XKR9: variants seen among roughly 807,000 people sequenced by gnomAD.
XKR9 encodes XK related 9, also known as XK-related protein 9.
A neutral mutation model predicts 32.0 loss-of-function variants in XKR9; 32 were observed. The observed-to-expected ratio is 1.00, with a 90% CI of 0.76 to 1.34. XKR9 has a LOEUF of 1.34. Among genes scored for constraint, XKR9 ranks in the 40% most tolerant of loss-of-function variants. The probability of loss-of-function intolerance (pLI) is 0.00; values close to 1 mark genes in which losing one functional copy is unlikely to be tolerated. For synonymous variants in XKR9, 168 were observed against 143.4 expected (o/e 1.17, Z -1.22); for missense variants, 546 against 429.7 (o/e 1.27, Z -2.39).
At chr8:70,984,793 T>C in the XKR9 span, among the ~76,000 whole-genome samples, 1 of 152,136 alleles carries the variant, frequency 6.6e-6, no homozygotes, top group Non-Finnish European at 1.5e-5. Context: ...TGTTGAGAAC[T>C]AAAAAAATAT....
chr8:70,706,271 A>G (rs1805716124), intron 3 of XKR9, among the ~76,000 whole-genome samples: 1 of 152,064 alleles, frequency 6.6e-6, no homozygotes, highest in African/African-American at 2.4e-5. Flanking sequence ...ACTTGTGTTC[A>G]CTTTAAAATT....
At chr8:71,060,183 A>G in the XKR9 span, among the ~76,000 whole-genome samples, 10 of 152,228 alleles carry the variant, frequency 6.6e-5, no homozygotes, top group African/African-American at 2.2e-4. Context: ...TTCCAAATCT[A>G]AAGACAGTAT....
At chr8:70,940,615 CTT>C in the XKR9 span, among the ~76,000 whole-genome samples, 1 of 152,064 alleles carries the variant, frequency 6.6e-6, no homozygotes, top group African/African-American at 2.4e-5. Flanking sequence ...CACTGTGCCT[CTT>C]TTGCCTCTGT....
At chr8:70,834,786 T>G in the XKR9 span, among the ~76,000 whole-genome samples, 1 of 152,158 alleles carries the variant, frequency 6.6e-6, no homozygotes, top group Admixed American at 6.6e-5. Context: ...TATAGTTTAA[T>G]TTACCGTAGA....
At chr8:70,806,605 A>G in the XKR9 span, among the ~76,000 whole-genome samples, 1 of 152,216 alleles carries the variant, frequency 6.6e-6, no homozygotes, top group Non-Finnish European at 1.5e-5. Context: ...CACAGCATGA[A>G]AACTTCATGA....
chr8:70,963,985 A>C, the XKR9 span, among the ~76,000 whole-genome samples: 1 of 151,812 alleles, frequency 6.6e-6, no homozygotes, highest in South Asian at 2.1e-4. Context: ...CCCATTTGTC[A>C]ATTTTTGCTT....
At chr8:70,774,611 C>T (rs900720340) in intron 2 of XKR9, among the ~76,000 whole-genome samples, 1 of 152,074 alleles carries the variant, frequency 6.6e-6, no homozygotes, top group African/African-American at 2.4e-5. Context: ...TTTAGTTTCA[C>T]TTTTTCCCAT....
chr8:70,739,632 T>G (rs1368223463), downstream of XKR9, among the ~76,000 whole-genome samples: 2 of 152,128 alleles, frequency 1.3e-5, no homozygotes, highest in Non-Finnish European at 2.9e-5. Context: ...TGTTTAGTGC[T>G]TCCTTCAGGA....
At chr8:70,999,843 A>G in the XKR9 span, among the ~76,000 whole-genome samples, 2 of 152,222 alleles carry the variant, frequency 1.3e-5, no homozygotes, top group African/African-American at 2.4e-5. Context: ...GCATTTATTT[A>G]CCATTGGATA....
chr8:70,781,690 G>A (rs1807619305), intron 2 of XKR9, among the ~76,000 whole-genome samples: 2 of 152,022 alleles, frequency 1.3e-5, no homozygotes, highest in South Asian at 4.1e-4. Context: ...GATAATTACT[G>A]ATGTTGAGCA....
At chr8:70,741,389 C>G (rs1310117943) in intron 2 of XKR9, among the ~76,000 whole-genome samples, 1 of 152,190 alleles carries the variant, frequency 6.6e-6, no homozygotes, top group Non-Finnish European at 1.5e-5. Context: ...TTGGCCTTCC[C>G]AGGCTCTGAA....
chr8:70,901,977 G>A, the XKR9 span, among the ~76,000 whole-genome samples: 54 of 152,128 alleles, frequency 3.5e-4, no homozygotes, highest in African/African-American at 1.1e-3. Context: ...GTAGATGTGG[G>A]GTATTATTTC....
rs183616756 is a variant in XKR9 at position 70,674,889 on chromosome 8, A to G, written c.-289A>G. 1 of 152,316 alleles carries G rather than the reference A, an allele frequency of 6.6e-6. No homozygotes were observed. Among genetic ancestry groups the G allele is most frequent in the African/African-American group, 2.4e-5 (1 of 41,568 alleles). 9.4% of individuals were successfully genotyped at this position (152,316 alleles called of 1,614,324 possible). A position where few individuals can be genotyped will look rare whatever the true frequency, so the allele number is the denominator to read the frequency against. ...GACTTTGAGTCAAAGATGGCTTTTT[A>G]TATTTGACAAGTAAGTCTATGTTTT... On this transcript the variant is annotated 5_prime_UTR_variant, in exon 2 of 5. Coordinates refer to ENST00000408926, the MANE Select transcript of XKR9 (RefSeq NM_001011720.2).
At chr8:70,952,390 T>TA in the XKR9 span, among the ~76,000 whole-genome samples, 2 of 152,212 alleles carry the variant, frequency 1.3e-5, no homozygotes, top group Non-Finnish European at 2.9e-5. Flanking sequence ...TCACTGTTAT[T>TA]TCTTTATATT....
At chr8:70,854,213 G>A in the XKR9 span, among the ~76,000 whole-genome samples, 15 of 152,170 alleles carry the variant, frequency 9.9e-5, no homozygotes, top group South Asian at 2.1e-4. Flanking sequence ...TTTAATGATC[G>A]GCATTCTAAC....
At chr8:71,053,330 G>GTGAA in the XKR9 span, among the ~76,000 whole-genome samples, 1 of 152,182 alleles carries the variant, frequency 6.6e-6, no homozygotes, top group Non-Finnish European at 1.5e-5. Flanking sequence ...TGAATCTGAT[G>GTGAA]TGAAGTCAAT....
At chr8:70,944,877 TA>T in the XKR9 span, among the ~76,000 whole-genome samples, 1 of 152,224 alleles carries the variant, frequency 6.6e-6, no homozygotes, top group African/African-American at 2.4e-5. Context: ...CAGGCAGTCC[TA>T]CAGTTGAGCT....
chr8:70,884,378 G>T, the XKR9 span, among the ~76,000 whole-genome samples: 12 of 152,142 alleles, frequency 7.9e-5, no homozygotes, highest in East Asian at 2.3e-3. Context: ...GAACATTAAT[G>T]AAGTCCAATT....
the XKR9 span, among the ~76,000 whole-genome samples, chr8:70,959,060 C>T: frequency 3.3e-5 from 5 of 152,096 alleles, no homozygotes; most frequent in Admixed American, 3.3e-4. Context: ...TTTAAGTATA[C>T]ACTTTAAAAT....
Sources: gnomAD v4.1 joint callset for allele counts (sites outside exome capture counted in the v4.1 genomes callset) on GRCh38, gnomAD v4.1.1 for gene constraint, MANE v1.5 for transcripts, NCBI Gene and HGNC (gene_info 2026-07-23, HGNC 2026-07-21) for gene names.